The following MCC variants were observed in gnomAD, a reference collection of about 807,000 sequenced individuals.
MCC encodes colorectal mutant cancer protein.
MCC carries 90 observed loss-of-function variants against 116.2 expected under a neutral mutation model. The observed-to-expected ratio is 0.77, with a 90% CI of 0.65 to 0.92. MCC has a LOEUF of 0.92. Among genes scored for constraint, MCC ranks in the 40% least tolerant of loss-of-function variants. The pLI is 0.00. For synonymous variants in MCC, 578 were observed against 510.5 expected (o/e 1.13, Z -1.78); for missense variants, 1,516 against 1,312.2 (o/e 1.16, Z -2.40).
chr5:113,138,302 C>T (rs918594977), intron 5 of MCC, among the ~76,000 whole-genome samples: 6 of 152,184 alleles, frequency 3.9e-5, no homozygotes, highest in Non-Finnish European at 8.8e-5. Flanking sequence ...TGAGCCACCA[C>T]GCCTGGCCCA....
At chr5:113,384,933 G>A (rs376249008) in intron 2 of MCC, 35 bp downstream of exon 2, 175 of 1,611,510 alleles carry the variant, frequency 1.1e-4, no homozygotes, top group Non-Finnish European at 1.5e-4. Context: ...CAAGGCCAGT[G>A]GAGTGCCATA....
chr5:113,028,674 A>T (rs1387453685), intron 18 of MCC, among the ~76,000 whole-genome samples: 2 of 152,196 alleles, frequency 1.3e-5, no homozygotes, highest in African/African-American at 2.4e-5. Context: ...TAATACCAGG[A>T]GGCATATACC....
At chr5:113,111,011 A>G (rs1001339253) in intron 6 of MCC, among the ~76,000 whole-genome samples, 1 of 152,094 alleles carries the variant, frequency 6.6e-6, no homozygotes, top group Admixed American at 6.5e-5. Flanking sequence ...ACCCAAGTCC[A>G]TGGCTCCTCC....
intron 16 of MCC, among the ~76,000 whole-genome samples, chr5:113,045,306 T>C (rs1016105340): frequency 6.6e-6 from 1 of 152,046 alleles, no homozygotes; most frequent in African/African-American, 2.4e-5. Context: ...GGAGGGAAGC[T>C]TTTTAAAGAA....
chr5:113,147,508 G>T (rs1333562314), intron 4 of MCC, among the ~76,000 whole-genome samples: 1 of 152,148 alleles, frequency 6.6e-6, no homozygotes, highest in East Asian at 1.9e-4. Context: ...CTTGGAAAAT[G>T]CAATGCCATC....
chr5:113,294,393 T>C, intron 3 of MCC: 1 of 1,577,562 alleles, frequency 6.3e-7, no homozygotes, highest in Non-Finnish European at 8.7e-7. Flanking sequence ...CATGATGCAC[T>C]TTTCAGAGCT....
intron 2 of MCC, among the ~76,000 whole-genome samples, chr5:113,354,053 C>T (rs1006626828): frequency 6.6e-6 from 1 of 152,170 alleles, no homozygotes; most frequent in Admixed American, 6.5e-5. Flanking sequence ...AAGACCCCTT[C>T]CCTCCCCACC....
At chr5:113,265,269 C>A (rs1385236622) in intron 3 of MCC, among the ~76,000 whole-genome samples, 1 of 152,146 alleles carries the variant, frequency 6.6e-6, no homozygotes, top group Non-Finnish European at 1.5e-5. Context: ...ATTAGCCCTG[C>A]AAACAGGCAG....
At chr5:113,124,383 A>G (rs1029095386) in intron 5 of MCC, among the ~76,000 whole-genome samples, 4 of 152,198 alleles carry the variant, frequency 2.6e-5, no homozygotes, top group Non-Finnish European at 4.4e-5. Context: ...TAGTTAAGGG[A>G]GATTTTGTGT....
chr5:113,480,075 T>C (rs906366243), intron 1 of MCC, among the ~76,000 whole-genome samples: 1 of 152,236 alleles, frequency 6.6e-6, no homozygotes, highest in Admixed American at 6.5e-5. Context: ...TAGATGACTT[T>C]TCTCTCTTGC....
chr5:113,433,424 C>T (rs564198985), intron 1 of MCC: 2 of 589,180 alleles, frequency 3.4e-6, no homozygotes, highest in Non-Finnish European at 3.2e-6. Context: ...CCTGCTCTTG[C>T]TGTCACTGAG....
chr5:113,488,321 AC>A lies in MCC; in HGVS notation c.93del (p.Ser32ProfsTer30). On this transcript the variant is annotated frameshift_variant, in exon 1 of 19. Coordinates refer to ENST00000408903, the MANE Select transcript of MCC (RefSeq NM_001085377.2). LOFTEE classifies it high-confidence loss of function. ...GSGSSSSSSDTSSTGEEERMR... is the reference protein window; with the variant it reads ...GSGSSSSSSDXSSTGEEERMR... Reference sequence around the variant, plus strand: ...ATCCTCTCCTCCTCGCCGGTGCTGGACGTGTCGCTGCTGCTGCTGCTGCTGC... The same window carrying A: ...ATCCTCTCCTCCTCGCCGGTGCTGGAGTGTCGCTGCTGCTGCTGCTGCTGC... 6.4e-7 allele frequency: 1 copy of A among 1,558,222 alleles called. No individual in the cohort carries two copies. Among genetic ancestry groups the A allele is most frequent in the Non-Finnish European group, 8.7e-7 (1 of 1,154,800 alleles).
intron 1 of MCC, among the ~76,000 whole-genome samples, chr5:113,446,231 C>CA (rs1373394887): frequency 2.0e-5 from 3 of 152,088 alleles, no homozygotes; most frequent in African/African-American, 4.8e-5. Context: ...GCAATTACAA[C>CA]AAAAAAATTG....
chr5:113,041,391 T>C (rs1751696691), intron 17 of MCC, among the ~76,000 whole-genome samples: 1 of 152,190 alleles, frequency 6.6e-6, no homozygotes, highest in African/African-American at 2.4e-5. Flanking sequence ...TCAGAAATCA[T>C]GCTCAATCAT....
At chr5:113,101,555 T>G in intron 8 of MCC, 184 bp downstream of exon 8, 1 of 585,290 alleles carries the variant, frequency 1.7e-6, no homozygotes, top group Non-Finnish European at 3.0e-6. Context: ...TTTTTTTAAA[T>G]CTTACCTCTA....
intron 3 of MCC, among the ~76,000 whole-genome samples, chr5:113,278,816 A>G (rs1217123112): frequency 6.6e-6 from 1 of 152,216 alleles, no homozygotes; most frequent in Non-Finnish European, 1.5e-5. Context: ...AAATGCTTTC[A>G]AAGTGCTTAG....
At chr5:113,341,742 A>G (rs1768019069) in intron 2 of MCC, among the ~76,000 whole-genome samples, 1 of 152,230 alleles carries the variant, frequency 6.6e-6, no homozygotes, top group African/African-American at 2.4e-5. Context: ...TAGATGGAAG[A>G]TGCCTGGATT....
At chr5:113,086,685 G>A (rs1337198449) in intron 8 of MCC, among the ~76,000 whole-genome samples, 1 of 152,200 alleles carries the variant, frequency 6.6e-6, no homozygotes, top group East Asian at 1.9e-4. Context: ...TTATAACCTT[G>A]GTCGCAGTTT....
In MCC at chr5:113,475,525, A is replaced by G. The variant is rs151235405; in HGVS notation, c.170+12720T>C. Among the ~76,000 whole-genome samples, 230 of 152,320 alleles carry G rather than the reference A, an allele frequency of 1.5e-3. 6 individuals are homozygous for G. In the East Asian group the frequency reaches 0.02, roughly 13 times the overall value. On this transcript the variant is annotated intron_variant, in intron 1 of 18. Coordinates refer to ENST00000408903, the MANE Select transcript of MCC (RefSeq NM_001085377.2). ...AAATTTAGTAATGACTCATTTACATATTTAAACTGGCATTTTGAAATGACA... is the reference window on the plus strand; with the variant it reads ...AAATTTAGTAATGACTCATTTACATGTTTAAACTGGCATTTTGAAATGACA...
Sources: gnomAD v4.1 joint callset for allele counts (sites outside exome capture counted in the v4.1 genomes callset) on GRCh38, gnomAD v4.1.1 for gene constraint, MANE v1.5 for transcripts, NCBI Gene and HGNC (gene_info 2026-07-23, HGNC 2026-07-21) for gene names.